Variants in PIK3CG observed in about 807,000 individuals in gnomAD.
PIK3CG encodes phosphatidylinositol-4,5-bisphosphate 3-kinase catalytic subunit gamma, also known as phosphatidylinositol 4,5-bisphosphate 3-kinase catalytic subunit gamma isoform.
In PIK3CG, 55 loss-of-function variants were observed where a neutral mutation model predicts 102.3. The ratio of observed to expected loss-of-function variants is 0.54; its 90% CI spans 0.43 to 0.67. The LOEUF (loss-of-function observed/expected upper bound fraction) is 0.67, where lower values mean the gene tolerates loss of function less well. PIK3CG is among the 30% of genes least tolerant of loss of function. PIK3CG has a pLI of 0.00. For synonymous variants in PIK3CG, 552 were observed against 540.0 expected (o/e 1.02, Z -0.31); for missense variants, 1,258 against 1,391.8 (o/e 0.90, Z 1.53).
chr7:106,900,343 A>G (rs181806567), intron 10 of PIK3CG, among the ~76,000 whole-genome samples: 156 of 152,014 alleles, frequency 1.0e-3, no homozygotes, highest in African/African-American at 3.4e-3. Flanking sequence ...GATCTTTGTT[A>G]GTTTGAAATC....
chr7:106,876,696 T>C (rs1005938401), intron 5 of PIK3CG, among the ~76,000 whole-genome samples: 1 of 151,942 alleles, frequency 6.6e-6, no homozygotes, highest in African/African-American at 2.4e-5. Flanking sequence ...CCACCGCACC[T>C]GGACCTTAGT....
Position 106,884,274 on chromosome 7 carries a change from T to A in PIK3CG, c.2872+8T>A, listed in dbSNP as rs1791022310. ...TTATGATCACCGAGACAGGTGAGTT[T>A]ATTTAGTGCAGAATAAACTTTTATT... is the stretch of plus-strand genomic sequence containing the variant. On this transcript the variant is annotated splice_region_variant and intron_variant, in intron 9 of 10. Coordinates refer to ENST00000496166, the MANE Select transcript of PIK3CG (RefSeq NM_001282426.2). The surrounding 1 kb of genome is among the most constrained non-coding windows in gnomAD (Gnocchi z 4.2). 1 of 1,551,918 alleles carries A rather than the reference T, an allele frequency of 6.4e-7. No homozygotes were observed. Among genetic ancestry groups the A allele is most frequent in the South Asian group, 1.1e-5 (1 of 89,400 alleles).
rs561827795 is a variant in PIK3CG at position 106,872,961 on chromosome 7, G to A, written c.2287+23G>A. The A allele has an allele frequency of 2.0e-6, 3 of 1,517,554 alleles. No individual in the cohort carries two copies. The African/African-American group carries it at 4.1e-5, about 21-fold the overall frequency. The allele number at this position is 1,517,554 out of a possible 1,614,324, so 94.0% of individuals were successfully genotyped here. On this transcript the variant is annotated intron_variant, in intron 4 of 10. Coordinates refer to ENST00000496166, the MANE Select transcript of PIK3CG (RefSeq NM_001282426.2). This position sits in a 1 kb window ranked among gnomAD's most constrained non-coding sequence, Gnocchi z 5.3. ...AAGGTACGGTGGCTATATTTTCTGT[G>A]TTCTCTTTCCAAATGCCTTCATCTC...
chr7:106,870,697 C>T (rs1435340709), intron 2 of PIK3CG, among the ~76,000 whole-genome samples: 1 of 152,196 alleles, frequency 6.6e-6, no homozygotes, highest in East Asian at 1.9e-4. Flanking sequence ...ATTTTACACA[C>T]TAAACTATCT....
Position 106,884,081 on chromosome 7 carries a change from T to C in PIK3CG, c.2761-74T>C. 1 of 1,136,472 alleles carries C rather than the reference T, an allele frequency of 8.8e-7. No homozygotes were observed. Among genetic ancestry groups the C allele is most frequent in the Non-Finnish European group, 1.3e-6 (1 of 760,446 alleles). 70.4% of individuals were successfully genotyped at this position (1,136,472 alleles called of 1,614,324 possible). A position where few individuals can be genotyped will look rare whatever the true frequency, so the allele number is the denominator to read the frequency against. On this transcript the variant is annotated intron_variant, in intron 8 of 10. Transcript: ENST00000496166. This position sits in a 1 kb window ranked among gnomAD's most constrained non-coding sequence, Gnocchi z 4.2. ...AAATGGTTTCCAGAATATTCTCTTTTTAGAAGTCATTTGTAGATTCATGAT... is the reference window on the plus strand; with the variant it reads ...AAATGGTTTCCAGAATATTCTCTTTCTAGAAGTCATTTGTAGATTCATGAT...
At position 106,897,085 on chromosome 7, in the gene PIK3CG, T is replaced by G. The variant is rs1791428070; in HGVS notation, c.3031-8024T>G. On this transcript the variant is annotated intron_variant, in intron 10 of 10. Transcript: ENST00000496166. This position sits in a 1 kb window ranked among gnomAD's most constrained non-coding sequence, Gnocchi z 4.6. The stretch of plus-strand genomic sequence containing the variant: ...TACCTACCTCTTAAACACTTTTACA[T>G]GTTTATTAAATATCCTTCTACAGTA... Among the ~76,000 whole-genome samples the G allele has an allele frequency of 6.6e-6, 1 of 152,220 alleles. No homozygotes were observed. Among genetic ancestry groups the G allele is most frequent in the Non-Finnish European group, 1.5e-5 (1 of 68,028 alleles).
At position 106,869,325 on chromosome 7, in the gene PIK3CG, A is replaced by G. The variant is rs1790451937; in HGVS notation, c.1764A>G (p.Ala588=). Reference sequence around the variant, plus strand: ...ACGAAAGCCTTAAGCACCCAAAAGCATATCCTAAGCTATTTAGTTCAGTGA... The same window carrying G: ...ACGAAAGCCTTAAGCACCCAAAAGCGTATCCTAAGCTATTTAGTTCAGTGA... The part of the protein sequence containing the change: ...FRYESLKHPK[A]YPKLFSSVKW... Residue 588 remains alanine, a synonymous_variant, in exon 2 of 11, where the codon GCA becomes GCG. Coordinates refer to ENST00000496166, the MANE Select transcript of PIK3CG (RefSeq NM_001282426.2). This position sits in a 1 kb window ranked among gnomAD's most constrained non-coding sequence, Gnocchi z 5.3. 3 of 1,614,264 alleles carry G rather than the reference A, an allele frequency of 1.9e-6. No individual in the cohort carries two copies. Among genetic ancestry groups the G allele is most frequent in the Non-Finnish European group, 2.5e-6 (3 of 1,180,044 alleles).
chr7:106,885,824 A>G (rs1408872395), intron 9 of PIK3CG, among the ~76,000 whole-genome samples: 1 of 152,192 alleles, frequency 6.6e-6, no homozygotes, highest in African/African-American at 2.4e-5. Context: ...AGTCTTAGGG[A>G]TAATGATGAC....
rs1457435525 is a variant in PIK3CG at position 106,906,273 on chromosome 7, C to T, written c.*886C>T. The T allele has an allele frequency of 4.4e-6, 1 of 225,706 alleles. No individual in the cohort carries two copies. Among genetic ancestry groups the T allele is most frequent in the East Asian group, 6.4e-5 (1 of 15,652 alleles). The allele number at this position is 225,706 out of a possible 1,614,324, so 14.0% of individuals were successfully genotyped here. ...TCAAGAACACCTTTACTCTATAACT[C>T]AAAAATTAGTTGAAAAATAATTACT... On this transcript the variant is annotated 3_prime_UTR_variant, in exon 11 of 11. Coordinates refer to ENST00000496166, the MANE Select transcript of PIK3CG (RefSeq NM_001282426.2).
At position 106,867,831 on chromosome 7, in the gene PIK3CG, G is replaced by T. The variant is rs757343963; in HGVS notation, c.270G>T (p.Arg90=). The change falls in exon 2 of 11, where the codon CGG becomes CGT. Residue 90 remains arginine, a synonymous_variant. Coordinates refer to ENST00000496166, the MANE Select transcript of PIK3CG (RefSeq NM_001282426.2). The surrounding 1 kb of genome is among the most constrained non-coding windows in gnomAD (Gnocchi z 5.1). ...ETSVAADFYH[R]LGPHHFLLLY... is the part of the protein sequence containing the mutation. The stretch of plus-strand genomic sequence containing the variant: ...GCGTGGCGGCGGACTTCTACCACCG[G>T]CTGGGACCGCATCACTTCCTCCTGC... 1 of 1,612,440 alleles carries T rather than the reference G, an allele frequency of 6.2e-7. No individual in the cohort carries two copies. Among genetic ancestry groups the T allele is most frequent in the African/African-American group, 1.3e-5 (1 of 75,064 alleles).
intron 10 of PIK3CG, among the ~76,000 whole-genome samples, chr7:106,887,757 A>T (rs957588646): frequency 6.6e-6 from 1 of 152,030 alleles, no homozygotes; most frequent in Non-Finnish European, 1.5e-5. Context: ...ATGGTTCCAA[A>T]AAAAAAGAAA....
intron 6 of PIK3CG, among the ~76,000 whole-genome samples, chr7:106,881,720 C>T (rs147545361): frequency 6.6e-6 from 1 of 152,030 alleles, no homozygotes; most frequent in African/African-American, 2.4e-5. Flanking sequence ...CATCATGATG[C>T]GCGCCTCTAA....
chr7:106,905,930 G>T lies in PIK3CG; in HGVS notation c.*543G>T, dbSNP rs1791673329. ...CGAGTTAGTCTTTTCAGTGTCTTTTGCAATTCAATTCTTTTGTCATGTATA... is the reference window on the plus strand; with the variant it reads ...CGAGTTAGTCTTTTCAGTGTCTTTTTCAATTCAATTCTTTTGTCATGTATA... On this transcript the variant is annotated 3_prime_UTR_variant, in exon 11 of 11. Transcript: ENST00000496166. The surrounding 1 kb of genome is among the most constrained non-coding windows in gnomAD (Gnocchi z 5.6). 2 of 230,908 alleles carry T rather than the reference G, an allele frequency of 8.7e-6. No homozygotes were observed. The highest frequency in any genetic ancestry group is 1.2e-4 in the East Asian group (2 of 16,080). The allele number at this position is 230,908 out of a possible 1,614,324, so 14.3% of individuals were successfully genotyped here. A position where few individuals can be genotyped will look rare whatever the true frequency, so the allele number is the denominator to read the frequency against.
rs2116432676 is a variant in PIK3CG, at chr7:106,868,177, C to T, written c.616C>T (p.Pro206Ser). 6.2e-7 allele frequency: 1 copy of T among 1,612,642 alleles called. No individual in the cohort carries two copies. The highest frequency in any genetic ancestry group is 1.3e-5 in the African/African-American group (1 of 75,066). ...CATGCACCCGTGGGTGACGTCCAAG[C>T]CCCTCCCGGAGTACCTGTGGAAGAA... ...YAMHPWVTSK[P>S]LPEYLWKKIA... Residue 206 changes from proline (P) to serine (S), a missense_variant, in exon 2 of 11, where the codon CCC becomes TCC. Physicochemically the swap from Pro to Ser is moderately conservative, Grantham distance 74. This residue lies in a region of PIK3CG where 832 missense variants were observed against 787.5 expected (regional missense o/e 1.06). Transcript: ENST00000496166. This position sits in a 1 kb window ranked among gnomAD's most constrained non-coding sequence, Gnocchi z 6.2.
chr7:106,907,026 CAGG>C lies in PIK3CG; in HGVS notation c.*1644_*1646del, dbSNP rs1281153498. On this transcript the variant is annotated 3_prime_UTR_variant, in exon 11 of 11. Transcript: ENST00000496166. ...GTCCCAGGTACTCAGGAGGCTGAGG[CAGG>C]AGGATTGCCTGAGCCCAGGAGGTGG... is the stretch of plus-strand genomic sequence containing the variant. 1 of 206,616 alleles carries C rather than the reference CAGG, an allele frequency of 4.8e-6. No individual in the cohort carries two copies. The highest frequency in any genetic ancestry group is 2.3e-5 in the African/African-American group (1 of 43,738). The allele number at this position is 206,616 out of a possible 1,614,324, so 12.8% of individuals were successfully genotyped here.
rs1193168136 is a variant in PIK3CG at position 106,882,201 on chromosome 7, A to C, written c.2623A>C (p.Lys875Gln). The C allele has an allele frequency of 5.1e-6, 8 of 1,558,834 alleles. No individual in the cohort carries two copies. Among genetic ancestry groups the C allele is most frequent in the Non-Finnish European group, 7.0e-6 (8 of 1,144,050 alleles). ...LPYGCISTGD[K>Q]IGMIEIVKDA... ...ATATGGTTGCATTTCAACTGGTGAC[A>C]AAATAGGTATGTAGTTACCTCAGGA... The change falls in exon 7 of 11, where the codon AAA becomes CAA. Residue 875 changes from lysine to glutamine, a missense_variant. By Grantham distance (53) the Lys-to-Gln change is moderately conservative. Transcript: ENST00000496166.
At chr7:106,898,190 G>A (rs112923435) in intron 10 of PIK3CG, among the ~76,000 whole-genome samples, 185 of 152,272 alleles carry the variant, frequency 1.2e-3, no homozygotes, top group African/African-American at 4.3e-3. Flanking sequence ...CTTTTGAGAA[G>A]TATCTGTTTG....
At position 106,897,903 on chromosome 7, in the gene PIK3CG, G is replaced by A. The variant is rs1791449234; in HGVS notation, c.3031-7206G>A. On this transcript the variant is annotated intron_variant, in intron 10 of 10. Coordinates refer to ENST00000496166, the MANE Select transcript of PIK3CG (RefSeq NM_001282426.2). This position sits in a 1 kb window ranked among gnomAD's most constrained non-coding sequence, Gnocchi z 4.6. ...TTCCTCTGGGTATATACCCAGTAATGGGATTTCTGGATCAAAATGGTAGTC... is the reference window on the plus strand; with the variant it reads ...TTCCTCTGGGTATATACCCAGTAATAGGATTTCTGGATCAAAATGGTAGTC... 6.6e-6 allele frequency among the ~76,000 whole-genome samples: 1 copy of A among 152,186 alleles called. No individual in the cohort carries two copies. The highest frequency in any genetic ancestry group is 1.5e-5 in the Non-Finnish European group (1 of 68,030).
chr7:106,897,733 A>G lies in PIK3CG; in HGVS notation c.3031-7376A>G, dbSNP rs1187618971. 6.6e-6 allele frequency among the ~76,000 whole-genome samples: 1 copy of G among 152,188 alleles called. No homozygotes were observed. Among genetic ancestry groups the G allele is most frequent in the Non-Finnish European group, 1.5e-5 (1 of 68,034 alleles). On this transcript the variant is annotated intron_variant, in intron 10 of 10. Coordinates refer to ENST00000496166, the MANE Select transcript of PIK3CG (RefSeq NM_001282426.2). This position sits in a 1 kb window ranked among gnomAD's most constrained non-coding sequence, Gnocchi z 4.6. ...ATCTCATTCTTTTTTATGGCTGCAT[A>G]GTATTCCATGGTGTATATGTACCAC...
Sources: allele counts gnomAD v4.1 joint callset (sites outside exome capture counted in the v4.1 genomes callset), GRCh38; gene constraint gnomAD v4.1.1; regional missense constraint gnomAD v4.1.1; non-coding constraint Gnocchi (gnomAD v3.1); transcripts MANE v1.5; gene names NCBI Gene and HGNC (gene_info 2026-07-23, HGNC 2026-07-21).